TMC1: variants seen among roughly 807,000 people sequenced by gnomAD.
TMC1 encodes the protein transmembrane channel-like protein 1.
A neutral mutation model predicts 105.8 loss-of-function variants in TMC1; 84 were observed. That is an observed-to-expected ratio of 0.79 (90% CI 0.67 to 0.95). The LOEUF (loss-of-function observed/expected upper bound fraction) is 0.95. Ranked by LOEUF, TMC1 falls within the 40% of genes least tolerant of loss-of-function variation. The probability of loss-of-function intolerance (pLI) is 0.00; values close to 1 mark genes in which losing one functional copy is unlikely to be tolerated. For synonymous variants in TMC1, 315 were observed against 311.5 expected (o/e 1.01, Z -0.12); for missense variants, 817 against 914.1 (o/e 0.89, Z 1.37).
At chr9:72,679,070 T>G (rs1179148178) in intron 5 of TMC1, among the ~76,000 whole-genome samples, 1 of 152,080 alleles carries the variant, frequency 6.6e-6, no homozygotes, top group Admixed American at 6.6e-5. Flanking sequence ...CAATGTTCTT[T>G]CATTTTGAAG....
intron 20 of TMC1, among the ~76,000 whole-genome samples, chr9:72,825,972 G>A (rs1348851104): frequency 1.3e-5 from 2 of 152,086 alleles, no homozygotes; most frequent in Admixed American, 6.5e-5. Context: ...TGGGACTTGC[G>A]TGTCATTGTT....
intron 4 of TMC1, among the ~76,000 whole-genome samples, chr9:72,642,313 C>T (rs1825642021): frequency 1.3e-5 from 2 of 152,134 alleles, no homozygotes; most frequent in Non-Finnish European, 2.9e-5. Flanking sequence ...GTCCCTATGC[C>T]TCTGGTTCTA....
chr9:72,798,346 C>T (rs555810844), intron 17 of TMC1, among the ~76,000 whole-genome samples: 7 of 152,186 alleles, frequency 4.6e-5, no homozygotes, highest in Middle Eastern at 3.4e-3. Context: ...ATCATTCAAC[C>T]CAGTCATCCC....
chr9:72,544,719 A>T (rs1823736075), intron 1 of TMC1, among the ~76,000 whole-genome samples: 1 of 150,276 alleles, frequency 6.7e-6, no homozygotes, highest in African/African-American at 2.5e-5. Flanking sequence ...ACCTCAGGTG[A>T]TCCTCCCACC....
chr9:72,597,158 T>C (rs1824734472), intron 2 of TMC1, among the ~76,000 whole-genome samples: 1 of 152,190 alleles, frequency 6.6e-6, no homozygotes, highest in African/African-American at 2.4e-5. Context: ...TTTTGTAAAA[T>C]ACTTTCTAAT....
At chr9:72,775,283 CAGTGTACAT>C (rs1395520448) in intron 13 of TMC1, among the ~76,000 whole-genome samples, 1 of 150,878 alleles carries the variant, frequency 6.6e-6, no homozygotes, top group Non-Finnish European at 1.5e-5. Flanking sequence ...CTTTCCAGGT[CAGTGTACAT>C]TTTCAACCAC....
chr9:72,803,697 A>G (rs1406312609), intron 17 of TMC1, among the ~76,000 whole-genome samples: 1 of 152,238 alleles, frequency 6.6e-6, no homozygotes, highest in Non-Finnish European at 1.5e-5. Flanking sequence ...ATCTCACACC[A>G]GTCAGAATGG....
chr9:72,535,134 G>A (rs1307592460), intron 1 of TMC1, among the ~76,000 whole-genome samples: 1 of 152,046 alleles, frequency 6.6e-6, no homozygotes, highest in Non-Finnish European at 1.5e-5. Flanking sequence ...TATCATGGAT[G>A]AAGGCATGTT....
At chr9:72,729,202 G>GA (rs932302879) in intron 8 of TMC1, among the ~76,000 whole-genome samples, 1 of 151,684 alleles carries the variant, frequency 6.6e-6, no homozygotes, top group Non-Finnish European at 1.5e-5. Flanking sequence ...CAGAACTAGA[G>GA]AAAAAAAATT....
At chr9:72,609,110 C>T (rs1208130710) in intron 2 of TMC1, among the ~76,000 whole-genome samples, 1 of 152,052 alleles carries the variant, frequency 6.6e-6, no homozygotes, top group East Asian at 1.9e-4. Context: ...TCTCACACCT[C>T]CCTCTCTTCC....
At chr9:72,687,318 A>G (rs954443584) in intron 5 of TMC1, among the ~76,000 whole-genome samples, 1 of 152,166 alleles carries the variant, frequency 6.6e-6, no homozygotes, top group East Asian at 1.9e-4. Context: ...ATCTTATATC[A>G]TTAAAATTCT....
intron 1 of TMC1, among the ~76,000 whole-genome samples, chr9:72,569,478 C>T (rs1824230481): frequency 6.6e-6 from 1 of 152,114 alleles, no homozygotes; most frequent in South Asian, 2.1e-4. Flanking sequence ...AAGCTGGACT[C>T]TGTGACGAAA....
chr9:72,650,909 T>C (rs1182206825), intron 5 of TMC1, among the ~76,000 whole-genome samples: 1 of 143,288 alleles, frequency 7.0e-6, no homozygotes, highest in African/African-American at 2.5e-5. Context: ...TATAAATATA[T>C]ATAGATATAT....
chr9:72,791,887 T>C lies in TMC1; in HGVS notation c.1226T>C (p.Met409Thr), dbSNP rs1168833163. 1 of 1,612,108 alleles carries C rather than the reference T, an allele frequency of 6.2e-7. No individual in the cohort carries two copies. Among genetic ancestry groups the C allele is most frequent in the Non-Finnish European group, 8.5e-7 (1 of 1,179,586 alleles). ...TTTCTCCCTTGTGCCTCCTTGTAGA[T>C]GAACATGGTTATGTCCCTCCTAGGG... ...DTLGWWEKNE[M>T]NMVMSLLGMF... Residue 409 changes from methionine (M) to threonine (T), a missense_variant and splice_region_variant, in exon 16 of 24, where the codon ATG becomes ACG. By Grantham distance (81) the Met-to-Thr change is moderately conservative. Coordinates refer to ENST00000297784, the MANE Select transcript of TMC1 (RefSeq NM_138691.3).
intron 1 of TMC1, among the ~76,000 whole-genome samples, chr9:72,535,487 G>A (rs147118033): frequency 0.012 from 1,843 of 152,236 alleles, 22 homozygotes; most frequent in Non-Finnish European, 0.021. Flanking sequence ...GAGGATATGT[G>A]ATTTGTCAAT....
At chr9:72,790,431 G>T (rs752221618) in intron 15 of TMC1, among the ~76,000 whole-genome samples, 10 of 151,968 alleles carry the variant, frequency 6.6e-5, no homozygotes, top group Non-Finnish European at 1.3e-4. Flanking sequence ...TTTAGCAGAG[G>T]GCTTTTATTT....
intron 8 of TMC1, among the ~76,000 whole-genome samples, chr9:72,726,521 C>T (rs1421078001): frequency 6.6e-6 from 1 of 152,162 alleles, no homozygotes; most frequent in South Asian, 2.1e-4. Context: ...AAGATGGTGT[C>T]CTCTGAGGGT....
chr9:72,800,644 C>CT (rs796171527), intron 17 of TMC1, among the ~76,000 whole-genome samples: 2,367 of 142,944 alleles, frequency 0.017, 34 homozygotes, highest in Middle Eastern at 0.022. Context: ...TGCTGCTTGT[C>CT]TTTTTTTTTT....
intron 5 of TMC1, among the ~76,000 whole-genome samples, chr9:72,653,353 C>T (rs1194749491): frequency 6.6e-6 from 1 of 152,144 alleles, no homozygotes; most frequent in Non-Finnish European, 1.5e-5. Context: ...TTTGTGCTTT[C>T]AGGATTCCTC....
Sources: allele counts gnomAD v4.1 joint callset (sites outside exome capture counted in the v4.1 genomes callset), GRCh38; gene constraint gnomAD v4.1.1; transcripts MANE v1.5; gene names NCBI Gene and HGNC (gene_info 2026-07-23, HGNC 2026-07-21).